AOPEP: variants seen among roughly 807,000 people sequenced by gnomAD.
AOPEP encodes aminopeptidase O.
A neutral mutation model predicts 98.1 loss-of-function variants in AOPEP; 77 were observed. The observed-to-expected ratio is 0.78, with a 90% CI of 0.65 to 0.95. The LOEUF (loss-of-function observed/expected upper bound fraction) is 0.95, where lower values mean the gene tolerates loss of function less well. AOPEP is among the 40% of genes least tolerant of loss of function. AOPEP has a pLI of 0.00. For synonymous variants in AOPEP, 346 were observed against 365.3 expected (o/e 0.95, Z 0.60); for missense variants, 1,024 against 1,024.7 (o/e 1.00, Z 0.01).
intron 7 of AOPEP, chr9:94,934,575 T>C (rs2055955995): frequency 6.6e-6 from 1 of 152,236 alleles, no homozygotes; most frequent in Non-Finnish European, 1.5e-5. Context: ...TCTTAAGAAC[T>C]TCCAGTCCTC....
intron 2 of AOPEP, among the ~76,000 whole-genome samples, chr9:94,767,267 G>T (rs1007745646): frequency 2.0e-5 from 3 of 152,304 alleles, no homozygotes; most frequent in East Asian, 1.9e-4. Flanking sequence ...TCGTGTTTTA[G>T]CTTCTTTCTC....
intron 3 of AOPEP, among the ~76,000 whole-genome samples, chr9:94,777,484 T>A (rs1252274880): frequency 1.3e-5 from 2 of 151,446 alleles, no homozygotes; most frequent in African/African-American, 4.8e-5. Flanking sequence ...AAATCTCTAC[T>A]GCTGAAATTA....
Position 94,800,323 on chromosome 9 carries a change from G to C in AOPEP, c.1119-434G>C, listed in dbSNP as rs552715070. Among the ~76,000 whole-genome samples, 27 of 152,228 alleles carry C rather than the reference G, an allele frequency of 1.8e-4. No homozygotes were observed. In the South Asian group the frequency reaches 5.4e-3, roughly 30 times the overall value. On this transcript the variant is annotated intron_variant, in intron 4 of 16. Transcript: ENST00000375315. ...TTTATTCTAGGTAATCCCAGAATTG[G>C]ATCTTTAATTTGTGTGTACTGCTCC...
intron 5 of AOPEP, among the ~76,000 whole-genome samples, chr9:94,865,463 AG>A (rs1179545307): frequency 6.6e-6 from 1 of 152,234 alleles, no homozygotes; most frequent in African/African-American, 2.4e-5. Flanking sequence ...TACAAATGAA[AG>A]GAATCTGTAA....
chr9:94,966,757 T>A (rs1589111725), intron 9 of AOPEP, among the ~76,000 whole-genome samples: 1 of 152,212 alleles, frequency 6.6e-6, no homozygotes, highest in Admixed American at 6.5e-5. Flanking sequence ...AATTTTTTAA[T>A]GTAGTTATGC....
chr9:94,977,748 G>A (rs1211026032), intron 10 of AOPEP, among the ~76,000 whole-genome samples: 1 of 152,202 alleles, frequency 6.6e-6, no homozygotes, highest in African/African-American at 2.4e-5. Context: ...TGGTGGCACA[G>A]GCCTTTCTGT....
chr9:94,916,257 G>T (rs1039500294), intron 5 of AOPEP, among the ~76,000 whole-genome samples: 9 of 152,188 alleles, frequency 5.9e-5, no homozygotes, highest in African/African-American at 1.9e-4. Context: ...CCGTGGGGAG[G>T]TGAGGGAGTG....
intron 13 of AOPEP, among the ~76,000 whole-genome samples, chr9:95,051,089 C>CTTTTTTTTTTTT (rs34143867): frequency 7.7e-6 from 1 of 129,944 alleles, no homozygotes; most frequent in African/African-American, 2.8e-5. Context: ...TTGTGGCTTA[C>CTTTTTTTTTTTT]TTTTTTTTTT....
chr9:94,855,683 C>T (rs1006676851), intron 5 of AOPEP, among the ~76,000 whole-genome samples: 3 of 151,972 alleles, frequency 2.0e-5, no homozygotes, highest in Admixed American at 6.6e-5. Flanking sequence ...AAGAACGAAA[C>T]TCTGTCTCAA....
the AOPEP span, chr9:95,111,737 G>C: frequency 1.4e-6 from 2 of 1,427,524 alleles, no homozygotes; most frequent in Non-Finnish European, 2.0e-6. Flanking sequence ...GGCTTAAATT[G>C]TACTTATCCA....
chr9:95,062,577 G>GC (rs2067421823), intron 14 of AOPEP, among the ~76,000 whole-genome samples: 1 of 152,186 alleles, frequency 6.6e-6, no homozygotes, highest in Admixed American at 6.5e-5. Flanking sequence ...ATGTGGATGG[G>GC]CCGGTACAGG....
intron 5 of AOPEP, among the ~76,000 whole-genome samples, chr9:94,865,091 CTA>C (rs1265767701): frequency 2.0e-5 from 3 of 152,156 alleles, no homozygotes; most frequent in Admixed American, 6.5e-5. Context: ...CATCTCCTAA[CTA>C]TGATGAAGAC....
chr9:94,858,445 A>G (rs2044508765), intron 5 of AOPEP, among the ~76,000 whole-genome samples: 1 of 152,226 alleles, frequency 6.6e-6, no homozygotes, highest in Non-Finnish European at 1.5e-5. Context: ...CAGTACGACC[A>G]GTAGGCTAAA....
intron 13 of AOPEP, chr9:95,056,635 A>G (rs1194066043): frequency 6.6e-6 from 1 of 152,146 alleles, no homozygotes; most frequent in African/African-American, 2.4e-5. Flanking sequence ...TGGAAAATTC[A>G]TATTTTCTTT....
At chr9:95,108,604 T>C in the AOPEP span, among the ~76,000 whole-genome samples, 8 of 152,192 alleles carry the variant, frequency 5.3e-5, no homozygotes, top group Admixed American at 4.6e-4. Context: ...GTCCTAAGTT[T>C]TTCAGGAGAA....
chr9:94,961,884 C>T (rs973350572), intron 9 of AOPEP, among the ~76,000 whole-genome samples: 1 of 152,196 alleles, frequency 6.6e-6, no homozygotes, highest in Non-Finnish European at 1.5e-5. Context: ...TGCTCATTCT[C>T]AGCTTGGGTA....
At chr9:94,960,868 C>T (rs557359689) in intron 9 of AOPEP, among the ~76,000 whole-genome samples, 45 of 151,982 alleles carry the variant, frequency 3.0e-4, no homozygotes, top group African/African-American at 1.0e-3. Context: ...AAAAATTAGC[C>T]GGGCGCGGTG....
At chr9:94,958,978 A>C (rs183744028) in intron 9 of AOPEP, among the ~76,000 whole-genome samples, 1 of 145,174 alleles carries the variant, frequency 6.9e-6, no homozygotes, top group East Asian at 2.0e-4. Context: ...ATTCACTCCT[A>C]TGTTTTTTTT....
downstream of AOPEP, among the ~76,000 whole-genome samples, chr9:95,091,044 G>A (rs2070859928): frequency 6.6e-6 from 1 of 152,198 alleles, no homozygotes; most frequent in East Asian, 1.9e-4. Flanking sequence ...GGCCGGGCCT[G>A]GGGGAGGCCG....
Sources: gnomAD v4.1 joint callset for allele counts (sites outside exome capture counted in the v4.1 genomes callset) on GRCh38, gnomAD v4.1.1 for gene constraint, MANE v1.5 for transcripts, NCBI Gene and HGNC (gene_info 2026-07-23, HGNC 2026-07-21) for gene names.